Variants in MEMO1 observed in about 807,000 individuals in gnomAD.
The protein encoded by MEMO1 is protein MEMO1.
Under a neutral mutation model 45.2 loss-of-function variants are expected in MEMO1, and 6 were observed. The observed-to-expected ratio is 0.13, with a 90% CI of 0.07 to 0.26. The LOEUF is 0.26. Among genes scored for constraint, MEMO1 ranks in the 10% least tolerant of loss-of-function variants. The pLI, the probability that MEMO1 is intolerant of heterozygous loss-of-function variation, is 1.00. For missense variants in MEMO1, 184 were observed against 370.5 expected, an observed-to-expected ratio of 0.50 and a Z score of 4.13; for synonymous variants, 78 against 124.3, an observed-to-expected ratio of 0.63 and a Z score of 2.48.
chr2:31,926,297 G>A (rs1033144168), intron 4 of MEMO1, among the ~76,000 whole-genome samples: 2 of 151,490 alleles, frequency 1.3e-5, no homozygotes, highest in Admixed American at 6.6e-5. Flanking sequence ...ACTTGAGCCT[G>A]GGAATTCAAC....
chr2:31,972,536 C>T (rs1386514257), intron 2 of MEMO1, among the ~76,000 whole-genome samples: 1 of 152,036 alleles, frequency 6.6e-6, no homozygotes, highest in Non-Finnish European at 1.5e-5. Flanking sequence ...CATGGTGAAA[C>T]CCCTTCTCTA....
chr2:31,872,559 A>G (rs1673935399), intron 8 of MEMO1, among the ~76,000 whole-genome samples: 1 of 152,198 alleles, frequency 6.6e-6, no homozygotes, highest in African/African-American at 2.4e-5. Context: ...CCAAGAATTC[A>G]AAGTAACTGG....
intron 3 of MEMO1, among the ~76,000 whole-genome samples, chr2:31,933,351 T>TAAAAAAA (rs869274123): frequency 4.2e-4 from 19 of 45,088 alleles, no homozygotes; most frequent in Non-Finnish European, 5.2e-4. Flanking sequence ...AAAAAAAAAT[T>TAAAAAAA]TATATATATA....
chr2:31,955,690 C>T (rs561461801), intron 2 of MEMO1, among the ~76,000 whole-genome samples: 1 of 152,106 alleles, frequency 6.6e-6, no homozygotes, highest in South Asian at 2.1e-4. Context: ...CTCACTGCAA[C>T]CTCCACCTCC....
intron 4 of MEMO1, among the ~76,000 whole-genome samples, 172 bp downstream of exon 4, chr2:31,931,892 AAAG>A (rs1212073230): frequency 6.6e-6 from 1 of 152,174 alleles, no homozygotes; most frequent in Non-Finnish European, 1.5e-5. Context: ...CAACAACAAA[AAAG>A]AAGTATTGAA....
At chr2:31,947,815 G>GCA (rs374569808) in intron 2 of MEMO1, among the ~76,000 whole-genome samples, 336 of 151,434 alleles carry the variant, frequency 2.2e-3, no homozygotes, top group African/African-American at 7.1e-3. Flanking sequence ...CACTAAATAC[G>GCA]CACACACACA....
intron 2 of MEMO1, among the ~76,000 whole-genome samples, chr2:32,006,346 G>C (rs1674066130): frequency 6.6e-6 from 1 of 152,206 alleles, no homozygotes; most frequent in Non-Finnish European, 1.5e-5. Context: ...ATAATGGGAT[G>C]AAAGCGGTAG....
intron 8 of MEMO1, among the ~76,000 whole-genome samples, chr2:31,880,967 T>G (rs1675268797): frequency 6.6e-6 from 1 of 151,726 alleles, no homozygotes; most frequent in Admixed American, 6.6e-5. Flanking sequence ...GAGGCTGCAG[T>G]GAACTGTGAT....
intron 7 of MEMO1, among the ~76,000 whole-genome samples, chr2:31,886,386 TAG>T (rs1175802487): frequency 1.3e-5 from 2 of 152,246 alleles, no homozygotes; most frequent in African/African-American, 4.8e-5. Context: ...GTCATCATCA[TAG>T]CCTATATGTA....
intron 2 of MEMO1, among the ~76,000 whole-genome samples, chr2:31,967,328 T>C (rs972494162): frequency 6.6e-6 from 1 of 152,076 alleles, no homozygotes; most frequent in Non-Finnish European, 1.5e-5. Context: ...GGTTTCACCA[T>C]GTTAGCCAGG....
At chr2:31,993,644 C>A (rs1234689853) in intron 2 of MEMO1, among the ~76,000 whole-genome samples, 1 of 152,174 alleles carries the variant, frequency 6.6e-6, no homozygotes, top group Admixed American at 6.5e-5. Context: ...CCACAACCTG[C>A]CCACGCACAG....
At chr2:31,961,075 G>A (rs916938381) in intron 2 of MEMO1, among the ~76,000 whole-genome samples, 1 of 152,226 alleles carries the variant, frequency 6.6e-6, no homozygotes, top group Non-Finnish European at 1.5e-5. Flanking sequence ...GGAGGCAAGA[G>A]GCCAGGTGCA....
chr2:31,913,123 G>C lies in MEMO1; in HGVS notation c.437+4803C>G, dbSNP rs1031789841. On this transcript the variant is annotated intron_variant, in intron 6 of 9. Coordinates refer to ENST00000404530, the MANE Select transcript of MEMO1 (RefSeq NM_001301833.4). ...CTACTAAAAATACAAAAATTAGCTG[G>C]GCATGGTGGCAGGTGCCTGTAATCC... Among the ~76,000 whole-genome samples the C allele has an allele frequency of 6.3e-4, 96 of 151,872 alleles. 2 individuals are homozygous for C. Among genetic ancestry groups the C allele is most frequent in the Admixed American group, 1.3e-4 (2 of 15,252 alleles).
intron 2 of MEMO1, among the ~76,000 whole-genome samples, chr2:31,971,221 T>C (rs1030696247): frequency 4.6e-5 from 7 of 152,320 alleles, no homozygotes; most frequent in African/African-American, 7.2e-5. Flanking sequence ...AAACCTAACA[T>C]AGGCACAGTC....
intron 3 of MEMO1, among the ~76,000 whole-genome samples, chr2:31,942,917 A>C (rs1358564128): frequency 6.6e-6 from 1 of 152,220 alleles, no homozygotes; most frequent in African/African-American, 2.4e-5. Context: ...TATAGACTTC[A>C]GTTTTTAATT....
At chr2:31,936,003 AC>A (rs1664875594) in intron 3 of MEMO1, among the ~76,000 whole-genome samples, 1 of 151,922 alleles carries the variant, frequency 6.6e-6, no homozygotes, top group African/African-American at 2.4e-5. Context: ...TCACTCTGTC[AC>A]CCAGGCTGGA....
In MEMO1 at chr2:31,963,393, C is replaced by T. The variant is rs1026580993; in HGVS notation, c.62-20010G>A. Reference sequence around the variant, plus strand: ...CTCTGAAGGACACTGACTAATACTCCAAGAAGCAAGGAAAGCTAAAATATC... The same window carrying T: ...CTCTGAAGGACACTGACTAATACTCTAAGAAGCAAGGAAAGCTAAAATATC... On this transcript the variant is annotated intron_variant, in intron 2 of 9. Coordinates refer to ENST00000404530, the MANE Select transcript of MEMO1 (RefSeq NM_001301833.4). 3 of 1,048,668 alleles carry T rather than the reference C, an allele frequency of 2.9e-6. No individual in the cohort carries two copies. In the African/African-American group the frequency reaches 4.9e-5, roughly 17 times the overall value. 65.0% of individuals were successfully genotyped at this position (1,048,668 alleles called of 1,614,324 possible). A position where few individuals can be genotyped will look rare whatever the true frequency, so the allele number is the denominator to read the frequency against.
intron 8 of MEMO1, among the ~76,000 whole-genome samples, 185 bp from the exon 9 acceptor site, chr2:31,870,137 T>C (rs553017391): frequency 6.0e-4 from 92 of 152,268 alleles, no homozygotes; most frequent in African/African-American, 2.1e-3. Flanking sequence ...ACCACCATTA[T>C]AGTCAACTCT....
chr2:32,006,964 CAA>C (rs67557055), intron 2 of MEMO1, among the ~76,000 whole-genome samples: 8,267 of 75,720 alleles, frequency 0.11, 106 homozygotes, highest in Middle Eastern at 0.15. Context: ...GATTCCATCT[CAA>C]AAAAAAAAAA....
Sources: gnomAD v4.1 joint callset for allele counts (sites outside exome capture counted in the v4.1 genomes callset) on GRCh38, gnomAD v4.1.1 for gene constraint, MANE v1.5 for transcripts, NCBI Gene and HGNC (gene_info 2026-07-23, HGNC 2026-07-21) for gene names.